The following CNTNAP4 variants were observed in gnomAD, a reference collection of about 807,000 sequenced individuals.
The protein encoded by CNTNAP4 is contactin associated protein family member 4.
In CNTNAP4, 98 loss-of-function variants were observed where a neutral mutation model predicts 148.4. The ratio of observed to expected loss-of-function variants is 0.66; its 90% CI spans 0.56 to 0.78. CNTNAP4 has a LOEUF of 0.78. CNTNAP4 is among the 30% of genes least tolerant of loss of function. CNTNAP4 has a pLI of 0.00. For missense variants in CNTNAP4, 1,935 were observed against 1,565.6 expected, an observed-to-expected ratio of 1.24 and a Z score of -3.98; for synonymous variants, 730 against 565.1, an observed-to-expected ratio of 1.29 and a Z score of -4.14.
At chr16:76,457,610 C>T (rs999580620) in intron 8 of CNTNAP4, among the ~76,000 whole-genome samples, 4 of 152,024 alleles carry the variant, frequency 2.6e-5, no homozygotes, top group Non-Finnish European at 2.9e-5. Context: ...TGCCCAGAGC[C>T]CTGCTACTCA....
chr16:76,349,016 G>C (rs569373597), intron 2 of CNTNAP4, among the ~76,000 whole-genome samples: 12 of 152,174 alleles, frequency 7.9e-5, no homozygotes, highest in African/African-American at 2.2e-4. Context: ...AGCGGTGACC[G>C]TGAGAAGGAT....
chr16:76,416,030 T>A (rs963993453), intron 3 of CNTNAP4, among the ~76,000 whole-genome samples: 1 of 151,162 alleles, frequency 6.6e-6, no homozygotes. Flanking sequence ...TTCCCCCTAA[T>A]GTCTTAACTT....
chr16:76,448,511 G>A lies in CNTNAP4; in HGVS notation c.743-256G>A, dbSNP rs1597575502. 2.0e-5 allele frequency among the ~76,000 whole-genome samples: 3 copies of A among 151,940 alleles called. No individual in the cohort carries two copies. In the South Asian group the frequency reaches 6.2e-4, roughly 31 times the overall value. ...GAGGTAGTAAAAATAATGAGGTTGT[G>A]GCAAAGATAAAATTTACATAGAAAA... On this transcript the variant is annotated intron_variant, in intron 5 of 23. Transcript: ENST00000611870.
intron 3 of CNTNAP4, among the ~76,000 whole-genome samples, chr16:76,371,199 T>A (rs2014778317): frequency 6.6e-6 from 1 of 152,200 alleles, no homozygotes; most frequent in South Asian, 2.1e-4. Flanking sequence ...TGATCAAACA[T>A]CAAACATCTT....
intron 15 of CNTNAP4, among the ~76,000 whole-genome samples, chr16:76,511,294 A>T (rs956629731): frequency 6.6e-6 from 1 of 152,188 alleles, no homozygotes; most frequent in Non-Finnish European, 1.5e-5. Flanking sequence ...GTTCCAAAAA[A>T]TTCTTGAGTC....
intron 7 of CNTNAP4, among the ~76,000 whole-genome samples, chr16:76,451,599 A>ATGTGTGTGTGTGTT (rs1555561286): frequency 7.1e-6 from 1 of 141,258 alleles, no homozygotes; most frequent in Non-Finnish European, 1.5e-5. Context: ...TTTTAGATAG[A>ATGTGTGTGTGTGTT]TGTGTGTGTG....
intron 3 of CNTNAP4, among the ~76,000 whole-genome samples, chr16:76,365,477 GT>G (rs1450489008): frequency 5.3e-5 from 8 of 152,084 alleles, no homozygotes; most frequent in Non-Finnish European, 8.8e-5. Flanking sequence ...CTGGCCAGGC[GT>G]TGTGGCTCAC....
intron 7 of CNTNAP4, among the ~76,000 whole-genome samples, chr16:76,451,450 A>G (rs2080467602): frequency 1.3e-5 from 2 of 152,196 alleles, no homozygotes; most frequent in African/African-American, 4.8e-5. Context: ...AAAGCACATC[A>G]CAAGTGTATT....
chr16:76,326,875 A>G (rs1963035687), intron 2 of CNTNAP4, among the ~76,000 whole-genome samples: 1 of 152,134 alleles, frequency 6.6e-6, no homozygotes, highest in Admixed American at 6.5e-5. Flanking sequence ...TGTGCAGCAC[A>G]CCAACATGGC....
At chr16:76,350,111 A>T (rs1015019634) in intron 2 of CNTNAP4, among the ~76,000 whole-genome samples, 3 of 152,106 alleles carry the variant, frequency 2.0e-5, no homozygotes, top group Admixed American at 6.6e-5. Context: ...GGTAATTTAT[A>T]ATTAAATCAC....
At chr16:76,455,190 A>G (rs574556139) in intron 8 of CNTNAP4, among the ~76,000 whole-genome samples, 18 of 152,224 alleles carry the variant, frequency 1.2e-4, no homozygotes, top group Non-Finnish European at 2.5e-4. Flanking sequence ...ATAAATGTCA[A>G]AGCAAAAATC....
chr16:76,463,905 T>C (rs1375989876), intron 9 of CNTNAP4, among the ~76,000 whole-genome samples: 1 of 152,198 alleles, frequency 6.6e-6, no homozygotes. Flanking sequence ...CAGGGCTTTC[T>C]TAAAAAAAAT....
At chr16:76,358,082 C>T (rs995614706) in intron 3 of CNTNAP4, among the ~76,000 whole-genome samples, 8 of 151,488 alleles carry the variant, frequency 5.3e-5, no homozygotes, top group African/African-American at 2.0e-4. Flanking sequence ...ATCTGTAATC[C>T]CAGGGCTTTG....
At chr16:76,471,650 C>T (rs1487199274) in intron 10 of CNTNAP4, among the ~76,000 whole-genome samples, 1 of 152,126 alleles carries the variant, frequency 6.6e-6, no homozygotes, top group Non-Finnish European at 1.5e-5. Flanking sequence ...ACCTTCCCTC[C>T]CCTCTTCTCC....
chr16:76,285,646 C>T (rs1361504165), intron 1 of CNTNAP4, among the ~76,000 whole-genome samples: 1 of 151,974 alleles, frequency 6.6e-6, no homozygotes, highest in Non-Finnish European at 1.5e-5. Context: ...TTTAAAAGCA[C>T]CATGTAAATA....
intron 1 of CNTNAP4, among the ~76,000 whole-genome samples, chr16:76,303,677 T>C (rs1424119881): frequency 5.3e-5 from 8 of 152,228 alleles, no homozygotes; most frequent in African/African-American, 1.9e-4. Flanking sequence ...TGTGGCTGTT[T>C]GATTTCTGCA....
At position 76,478,908 on chromosome 16, in the gene CNTNAP4, A is replaced by T. The variant is rs537167852; in HGVS notation, c.1763-511A>T. 7.2e-5 allele frequency among the ~76,000 whole-genome samples: 11 copies of T among 152,244 alleles called. 1 individual carries two copies. In the South Asian group the frequency reaches 2.3e-3, roughly 32 times the overall value. On this transcript the variant is annotated intron_variant, in intron 11 of 23. Transcript: ENST00000611870. ...ATTTGTTTTATGAAAAAAATATTTT[A>T]TAGTTAATTTTCTGTGAGAATATAG...
chr16:76,335,562 C>T (rs1225846499), intron 2 of CNTNAP4, among the ~76,000 whole-genome samples: 1 of 152,188 alleles, frequency 6.6e-6, no homozygotes, highest in Non-Finnish European at 1.5e-5. Context: ...GAATCACTTT[C>T]TCTGAAGCCC....
chr16:76,476,051 C>G lies in CNTNAP4; in HGVS notation c.1762+6C>G, dbSNP rs9935035. On this transcript the variant is annotated splice_donor_region_variant and intron_variant, in intron 11 of 23. Coordinates refer to ENST00000611870, the MANE Select transcript of CNTNAP4 (RefSeq NM_033401.5). ...AGGAGCTACTTGCCATAACTGTAAG[C>G]GGAACACATCTGCTTTTTCTTGCCC... is the stretch of plus-strand genomic sequence containing the variant. The G allele has an allele frequency of 1.3e-6, 2 of 1,585,552 alleles. No individual in the cohort carries two copies. Among genetic ancestry groups the G allele is most frequent in the East Asian group, 4.5e-5 (2 of 44,748 alleles).
Sources: gnomAD v4.1 joint callset for allele counts (sites outside exome capture counted in the v4.1 genomes callset) on GRCh38, gnomAD v4.1.1 for gene constraint, MANE v1.5 for transcripts, NCBI Gene and HGNC (gene_info 2026-07-23, HGNC 2026-07-21) for gene names.